ZFPM2: variants seen among roughly 807,000 people sequenced by gnomAD.
The protein encoded by ZFPM2 is zinc finger protein ZFPM2.
Under a neutral mutation model 98.6 loss-of-function variants are expected in ZFPM2, and 20 were observed. That is an observed-to-expected ratio of 0.20 (90% CI 0.14 to 0.29). The LOEUF is 0.29. Ranked by LOEUF, ZFPM2 falls within the 10% of genes least tolerant of loss-of-function variation. ZFPM2 has a pLI of 1.00. For missense variants in ZFPM2, 1,310 were observed against 1,388.6 expected (o/e 0.94, Z 0.90); for synonymous variants, 518 against 502.7 (o/e 1.03, Z -0.41).
intron 5 of ZFPM2, among the ~76,000 whole-genome samples, chr8:105,661,644 T>C (rs1817390674): frequency 6.6e-6 from 1 of 152,136 alleles, no homozygotes; most frequent in African/African-American, 2.4e-5. Context: ...CAGCTTCACT[T>C]TTCCCCTTTT....
At chr8:105,527,625 T>C (rs1814202957) in intron 3 of ZFPM2, among the ~76,000 whole-genome samples, 1 of 152,182 alleles carries the variant, frequency 6.6e-6, no homozygotes, top group South Asian at 2.1e-4. Context: ...CTTAAGGTGT[T>C]ACAGGCTTGT....
intron 1 of ZFPM2, among the ~76,000 whole-genome samples, chr8:105,417,411 A>C (rs562821284): frequency 1.3e-5 from 2 of 152,172 alleles, no homozygotes; most frequent in African/African-American, 4.8e-5. Context: ...AAATAAAAAA[A>C]TAGAAAGTGC....
intron 1 of ZFPM2, among the ~76,000 whole-genome samples, chr8:105,334,579 T>C (rs1812292791): frequency 6.6e-6 from 1 of 151,640 alleles, no homozygotes; most frequent in South Asian, 2.1e-4. Context: ...TGTATGATAG[T>C]TTGGTTTTAG....
intron 1 of ZFPM2, among the ~76,000 whole-genome samples, chr8:105,330,581 C>CGT (rs1406206163): frequency 3.9e-4 from 34 of 86,372 alleles, no homozygotes; most frequent in African/African-American, 1.6e-3. Context: ...TATATATATA[C>CGT]ATATATATAT....
intron 5 of ZFPM2, among the ~76,000 whole-genome samples, chr8:105,650,915 G>C (rs370117562): frequency 1.3e-4 from 20 of 152,150 alleles, no homozygotes; most frequent in East Asian, 1.2e-3. Context: ...TCAATTCCTG[G>C]ATATCCTTTT....
intron 2 of ZFPM2, among the ~76,000 whole-genome samples, chr8:105,438,603 T>G (rs892288422): frequency 1.3e-5 from 2 of 152,216 alleles, no homozygotes; most frequent in African/African-American, 2.4e-5. Context: ...GGGGTAGACT[T>G]AACCATGGTC....
At chr8:105,513,077 T>G (rs1380906340) in intron 3 of ZFPM2, among the ~76,000 whole-genome samples, 3 of 152,182 alleles carry the variant, frequency 2.0e-5, no homozygotes, top group Non-Finnish European at 4.4e-5. Context: ...ATGAGTGAGT[T>G]TCAGTGGGCT....
At chr8:105,647,756 T>A (rs1204794094) in intron 5 of ZFPM2, among the ~76,000 whole-genome samples, 5 of 152,182 alleles carry the variant, frequency 3.3e-5, no homozygotes, top group Non-Finnish European at 5.9e-5. Flanking sequence ...ATGTGCCACA[T>A]TTTCTTAATC....
At chr8:105,402,304 T>C (rs1811355974) in intron 1 of ZFPM2, among the ~76,000 whole-genome samples, 1 of 152,002 alleles carries the variant, frequency 6.6e-6, no homozygotes, top group Non-Finnish European at 1.5e-5. Flanking sequence ...ATGTATTCTG[T>C]TCATCCTCTT....
intron 4 of ZFPM2, among the ~76,000 whole-genome samples, chr8:105,613,015 G>T (rs1816337611): frequency 6.6e-6 from 1 of 152,154 alleles, no homozygotes; most frequent in Admixed American, 6.5e-5. Flanking sequence ...CAACACTCAG[G>T]ATTGCCTTTG....
intron 5 of ZFPM2, among the ~76,000 whole-genome samples, chr8:105,773,857 T>C (rs1483551911): frequency 6.6e-6 from 1 of 152,028 alleles, no homozygotes; most frequent in Non-Finnish European, 1.5e-5. Context: ...AAAGACATGA[T>C]AAGTCAACAC....
chr8:105,621,630 A>G (rs1464464230), intron 4 of ZFPM2, among the ~76,000 whole-genome samples: 1 of 152,160 alleles, frequency 6.6e-6, no homozygotes, highest in Non-Finnish European at 1.5e-5. Flanking sequence ...CCAATCATAA[A>G]CTTAAAATAT....
chr8:105,515,294 G>A (rs1217103537), intron 3 of ZFPM2, among the ~76,000 whole-genome samples: 1 of 152,166 alleles, frequency 6.6e-6, no homozygotes, highest in Non-Finnish European at 1.5e-5. Context: ...TAATACTAAT[G>A]CCGCTTTCCA....
intron 4 of ZFPM2, among the ~76,000 whole-genome samples, chr8:105,611,850 C>G (rs1207446250): frequency 1.3e-5 from 2 of 151,900 alleles, no homozygotes; most frequent in East Asian, 1.9e-4. Flanking sequence ...AGGCACCCAC[C>G]ACCACGCCTA....
chr8:105,513,530 C>G (rs771094616), intron 3 of ZFPM2, among the ~76,000 whole-genome samples: 2 of 152,126 alleles, frequency 1.3e-5, no homozygotes, highest in East Asian at 3.9e-4. Context: ...AACTGGAGAG[C>G]TCTTCTATTG....
intron 4 of ZFPM2, among the ~76,000 whole-genome samples, chr8:105,594,701 A>T (rs1290025510): frequency 2.0e-5 from 3 of 152,084 alleles, no homozygotes; most frequent in African/African-American, 7.2e-5. Context: ...TATGACTTCA[A>T]AACTCTTTCT....
chr8:105,362,862 G>A (rs1301110981), intron 1 of ZFPM2, among the ~76,000 whole-genome samples: 2 of 152,156 alleles, frequency 1.3e-5, no homozygotes, highest in Non-Finnish European at 2.9e-5. Flanking sequence ...GTCACACATA[G>A]ATCAGAGGTC....
chr8:105,368,811 C>T (rs762010867), intron 1 of ZFPM2, among the ~76,000 whole-genome samples: 1 of 152,044 alleles, frequency 6.6e-6, no homozygotes, highest in South Asian at 2.1e-4. Context: ...CATCAGAGTG[C>T]CTGGTGCATA....
intron 3 of ZFPM2, chr8:105,451,546 C>T (rs12541093): frequency 0.33 from 49,719 of 152,012 alleles, 9,856 homozygotes; most frequent in African/African-American, 0.56. Context: ...TATAACTGCT[C>T]TTCTCTGGGA....
Sources: allele counts gnomAD v4.1 joint callset (sites outside exome capture counted in the v4.1 genomes callset), GRCh38; gene constraint gnomAD v4.1.1; transcripts MANE v1.5; gene names NCBI Gene and HGNC (gene_info 2026-07-23, HGNC 2026-07-21).